Variants in DNMT1 observed in about 807,000 individuals in gnomAD.
The protein encoded by DNMT1 is DNA (cytosine-5)-methyltransferase 1.
Under a neutral mutation model 205.3 loss-of-function variants are expected in DNMT1, and 24 were observed. The ratio of observed to expected loss-of-function variants is 0.12; its 90% CI spans 0.08 to 0.16. The LOEUF is 0.16. Among genes scored for constraint, DNMT1 ranks in the 10% least tolerant of loss-of-function variants. DNMT1 has a pLI of 1.00. For missense variants in DNMT1, 1,293 were observed against 2,177.7 expected, an observed-to-expected ratio of 0.59 and a Z score of 8.09; for synonymous variants, 817 against 839.8, an observed-to-expected ratio of 0.97 and a Z score of 0.47.
chr19:10,173,773 T>G, intron 8 of DNMT1, 98 bp downstream of exon 8: 1 of 1,332,214 alleles, frequency 7.5e-7, no homozygotes, highest in South Asian at 1.2e-5. Flanking sequence ...ATTACAGGCA[T>G]GAGTCACCGT....
chr19:10,172,064 C>T (rs1274201638), intron 9 of DNMT1, among the ~76,000 whole-genome samples: 2 of 151,726 alleles, frequency 1.3e-5, no homozygotes, highest in African/African-American at 4.8e-5. Flanking sequence ...CAAAGATCCT[C>T]GCTATGACAA....
chr19:10,146,299 C>G lies in DNMT1; in HGVS notation c.2894+52G>C. ...AAGGAGGGGGACACCACAAAGCCAGCCTGGCTCAGCCTGGAGCGCCCTGGC... is the reference window on the plus strand; with the variant it reads ...AAGGAGGGGGACACCACAAAGCCAGGCTGGCTCAGCCTGGAGCGCCCTGGC... On this transcript the variant is annotated intron_variant, in intron 28 of 40. Coordinates refer to ENST00000359526, the MANE Select transcript of DNMT1 (RefSeq NM_001130823.3). This position sits in a 1 kb window ranked among gnomAD's most constrained non-coding sequence, Gnocchi z 4.4. 6.2e-7 allele frequency: 1 copy of G among 1,603,560 alleles called. No homozygotes were observed. Among genetic ancestry groups the G allele is most frequent in the East Asian group, 2.2e-5 (1 of 44,792 alleles).
At chr19:10,177,223 G>T in intron 6 of DNMT1, 69 bp downstream of exon 6, 1 of 1,400,324 alleles carries the variant, frequency 7.1e-7, no homozygotes, top group Non-Finnish European at 1.0e-6. Context: ...GCCACGTGAC[G>T]CCCTACCAAT....
chr19:10,160,354 CT>C, intron 14 of DNMT1, 29 bp downstream of exon 14: 1 of 1,614,034 alleles, frequency 6.2e-7, no homozygotes, highest in Non-Finnish European at 8.5e-7. Flanking sequence ...TTACCATCTG[CT>C]TTCGATAATG....
At position 10,143,749 on chromosome 19, in the gene DNMT1, CAG is replaced by C. The variant is rs2145275617; in HGVS notation, c.3116+15_3116+16del. 6.2e-7 allele frequency: 1 copy of C among 1,613,358 alleles called. No individual in the cohort carries two copies. The highest frequency in any genetic ancestry group is 2.2e-5 in the East Asian group (1 of 44,876). ...AAGAGTCTGTGGCCTCGTGGAAGAA[CAG>C]AGGCCTCTGCTGACCTGTAGAACTT... On this transcript the variant is annotated intron_variant, in intron 29 of 40. Coordinates refer to ENST00000359526, the MANE Select transcript of DNMT1 (RefSeq NM_001130823.3).
chr19:10,181,289 A>G (rs2039040870), intron 2 of DNMT1, among the ~76,000 whole-genome samples: 1 of 152,108 alleles, frequency 6.6e-6, no homozygotes, highest in South Asian at 2.1e-4. Flanking sequence ...CTTTACAAAA[A>G]ATATTTAAAA....
chr19:10,173,018 C>T (rs185030877), intron 9 of DNMT1, 72 bp downstream of exon 9: 802 of 1,570,998 alleles, frequency 5.1e-4, no homozygotes, highest in Non-Finnish European at 5.8e-4. Context: ...CCTGTCCCCA[C>T]GTCCTGGAAG....
At chr19:10,170,243 C>A (rs2038786808) in intron 9 of DNMT1, among the ~76,000 whole-genome samples, 1 of 151,846 alleles carries the variant, frequency 6.6e-6, no homozygotes, top group Non-Finnish European at 1.5e-5. Context: ...TAAAATTGCG[C>A]CACTTCACTC....
At chr19:10,155,132 G>A (rs758936707) in intron 19 of DNMT1, 76 bp from the exon 20 acceptor site, 2 of 1,591,572 alleles carry the variant, frequency 1.3e-6, no homozygotes, top group South Asian at 2.2e-5. Flanking sequence ...GCATGGAGGA[G>A]TCTACCAAAC....
In DNMT1 at chr19:10,151,730, G is replaced by C. The variant is rs572861665; in HGVS notation, c.2117+20C>G. The C allele has an allele frequency of 1.9e-6, 3 of 1,614,020 alleles. No individual in the cohort carries two copies. Among genetic ancestry groups the C allele is most frequent in the African/African-American group, 1.3e-5 (1 of 75,058 alleles). ...GCTGGCAAGTCCTCTGCCACAGGAGGAAGACTCGGCCTGACCTACCTCCGC... is the reference window on the plus strand; with the variant it reads ...GCTGGCAAGTCCTCTGCCACAGGAGCAAGACTCGGCCTGACCTACCTCCGC... On this transcript the variant is annotated intron_variant, in intron 23 of 40. Coordinates refer to ENST00000359526, the MANE Select transcript of DNMT1 (RefSeq NM_001130823.3). The surrounding 1 kb of genome is among the most constrained non-coding windows in gnomAD (Gnocchi z 5.0).
chr19:10,142,347 G>A, intron 29 of DNMT1, 127 bp from the exon 30 acceptor site: 1 of 1,310,758 alleles, frequency 7.6e-7, no homozygotes. Flanking sequence ...GAGAACCGCA[G>A]GGTAAAGACC....
rs1418913825 is a variant in DNMT1, at chr19:10,180,381, G to A, written c.414C>T (p.Pro138=). Residue 138 remains proline (P), a synonymous_variant, in exon 4 of 41, where the codon CCC becomes CCT. Transcript: ENST00000359526. ...CCTCTCCATCGGACTTGCTCCTCCT[G>A]GGCGTGCGAGGTTTGGAAAGGGGTT... ...PPKPLSKPRT[P]RRSKSDGEAK... is the part of the protein sequence containing the mutation. The A allele has an allele frequency of 6.2e-7, 1 of 1,613,556 alleles. No homozygotes were observed. The highest frequency in any genetic ancestry group is 8.5e-7 in the Non-Finnish European group (1 of 1,180,030).
Position 10,156,804 on chromosome 19 carries a change from G to A in DNMT1, c.1281-295C>T, listed in dbSNP as rs2038466012. 6.6e-6 allele frequency among the ~76,000 whole-genome samples: 1 copy of A among 151,914 alleles called. No homozygotes were observed. The highest frequency in any genetic ancestry group is 2.4e-5 in the African/African-American group (1 of 41,328). ...GGCTAATTGTTGTATTTTTAGTAGG[G>A]ACGGGGTTTCACTATGTGTAGCAGG... On this transcript the variant is annotated intron_variant, in intron 17 of 40. Coordinates refer to ENST00000359526, the MANE Select transcript of DNMT1 (RefSeq NM_001130823.3). The surrounding 1 kb of genome is among the most constrained non-coding windows in gnomAD (Gnocchi z 4.2).
chr19:10,163,144 TAC>T (rs1375638838), intron 12 of DNMT1, among the ~76,000 whole-genome samples, 180 bp downstream of exon 12: 1 of 152,028 alleles, frequency 6.6e-6, no homozygotes, highest in Non-Finnish European at 1.5e-5. Flanking sequence ...GTATTTTTAG[TAC>T]AGACAGGGTT....
chr19:10,143,709 G>T, intron 29 of DNMT1, 57 bp downstream of exon 29: 2 of 1,595,366 alleles, frequency 1.3e-6, no homozygotes, highest in Non-Finnish European at 1.7e-6. Context: ...CCTTGTTTCA[G>T]GCAGAGCCTT....
rs1346155493 is a variant in DNMT1 at position 10,138,766 on chromosome 19, C to T, written c.3949-161G>A. Among the ~76,000 whole-genome samples the T allele has an allele frequency of 6.6e-6, 1 of 152,200 alleles. No homozygotes were observed. Among genetic ancestry groups the T allele is most frequent in the Admixed American group, 6.5e-5 (1 of 15,280 alleles). On this transcript the variant is annotated intron_variant, in intron 34 of 40. Coordinates refer to ENST00000359526, the MANE Select transcript of DNMT1 (RefSeq NM_001130823.3). The surrounding 1 kb of genome is among the most constrained non-coding windows in gnomAD (Gnocchi z 4.1). ...TTACCTCAGCAGGCGTGCTCCTGGT[C>T]AGAGGAGTTTGGAGCAGATAAAGAA...
At chr19:10,166,318 A>C (rs2038691878) in intron 11 of DNMT1, among the ~76,000 whole-genome samples, 1 of 152,118 alleles carries the variant, frequency 6.6e-6, no homozygotes, top group Admixed American at 6.6e-5. Flanking sequence ...TCAGGAGAGG[A>C]TGCTTCATGC....
At chr19:10,171,841 AAAT>A (rs1332412645) in intron 9 of DNMT1, among the ~76,000 whole-genome samples, 2 of 150,444 alleles carry the variant, frequency 1.3e-5, no homozygotes, top group Non-Finnish European at 3.0e-5. Context: ...ATAAATAAAT[AAAT>A]AAAAACACAA....
In DNMT1 at chr19:10,156,790, G is replaced by C. The variant is rs1444287225; in HGVS notation, c.1281-281C>G. ...GAACCACCATGCCCGGCTAATTGTTGTATTTTTAGTAGGGACGGGGTTTCA... is the reference window on the plus strand; with the variant it reads ...GAACCACCATGCCCGGCTAATTGTTCTATTTTTAGTAGGGACGGGGTTTCA... On this transcript the variant is annotated intron_variant, in intron 17 of 40. Coordinates refer to ENST00000359526, the MANE Select transcript of DNMT1 (RefSeq NM_001130823.3). This position sits in a 1 kb window ranked among gnomAD's most constrained non-coding sequence, Gnocchi z 4.2. 6.6e-6 allele frequency among the ~76,000 whole-genome samples: 1 copy of C among 151,832 alleles called. No homozygotes were observed. Among genetic ancestry groups the C allele is most frequent in the Non-Finnish European group, 1.5e-5 (1 of 67,958 alleles).
Sources: gnomAD v4.1 joint callset for allele counts (sites outside exome capture counted in the v4.1 genomes callset) on GRCh38, gnomAD v4.1.1 for gene constraint, Gnocchi (gnomAD v3.1) non-coding constraint, MANE v1.5 for transcripts, NCBI Gene and HGNC (gene_info 2026-07-23, HGNC 2026-07-21) for gene names.